Variants in ERCC3 observed in about 807,000 individuals in gnomAD.
ERCC3 encodes ERCC excision repair 3, TFIIH core complex helicase subunit, also known as general transcription and DNA repair factor IIH helicase/translocase subunit XPB.
A neutral mutation model predicts 94.2 loss-of-function variants in ERCC3; 66 were observed. That is an observed-to-expected ratio of 0.70 (90% CI 0.57 to 0.86). The LOEUF (loss-of-function observed/expected upper bound fraction) is 0.86. Among genes scored for constraint, ERCC3 ranks in the 40% least tolerant of loss-of-function variants. ERCC3 has a pLI of 0.00. For missense variants in ERCC3, 829 were observed against 987.1 expected, an observed-to-expected ratio of 0.84 and a Z score of 2.15; for synonymous variants, 349 against 369.1, an observed-to-expected ratio of 0.95 and a Z score of 0.63.
At position 127,284,858 on chromosome 2, in the gene ERCC3, A is replaced by C. The variant is rs1009903148; in HGVS notation, c.1342+1845T>G. ...ACCACCACACTTGGCTAATTAAAAA[A>C]ATTTTTTTTTGTAGAGACATGTCTC... On this transcript the variant is annotated intron_variant, in intron 8 of 14. Transcript: ENST00000285398. The surrounding 1 kb of genome is among the most constrained non-coding windows in gnomAD (Gnocchi z 4.1). 1.3e-5 allele frequency among the ~76,000 whole-genome samples: 2 copies of C among 151,952 alleles called. No individual in the cohort carries two copies. The highest frequency in any genetic ancestry group is 2.1e-4 in the South Asian group (1 of 4,808).
chr2:127,265,037 A>G (rs1684313188), intron 12 of ERCC3, among the ~76,000 whole-genome samples: 4 of 151,988 alleles, frequency 2.6e-5, no homozygotes, highest in Admixed American at 2.6e-4. Context: ...AGTAGAGACG[A>G]GGTTTCACCA....
At chr2:127,272,631 G>A (rs1021962888) in intron 11 of ERCC3, among the ~76,000 whole-genome samples, 1 of 152,112 alleles carries the variant, frequency 6.6e-6, no homozygotes, top group African/African-American at 2.4e-5. Context: ...ATCCCCAAAA[G>A]AACTGGAAAA....
At chr2:127,283,219 C>T (rs953361639) in intron 8 of ERCC3, among the ~76,000 whole-genome samples, 2 of 152,036 alleles carry the variant, frequency 1.3e-5, no homozygotes, top group Non-Finnish European at 2.9e-5. Flanking sequence ...CAGATAAAGA[C>T]AGCATCCCCC....
chr2:127,257,323 C>T lies in ERCC3; in HGVS notation c.*273G>A, dbSNP rs973634517. On this transcript the variant is annotated 3_prime_UTR_variant, in exon 15 of 15. Coordinates refer to ENST00000285398, the MANE Select transcript of ERCC3 (RefSeq NM_000122.2). This position sits in a 1 kb window ranked among gnomAD's most constrained non-coding sequence, Gnocchi z 5.4. Reference sequence around the variant, plus strand: ...AATGGTCCATTCTGTTTATTCAGAACGGTAACATAAATACACCTTAAATAT... The same window carrying T: ...AATGGTCCATTCTGTTTATTCAGAATGGTAACATAAATACACCTTAAATAT... The T allele has an allele frequency of 4.9e-5, 24 of 494,290 alleles. No homozygotes were observed. Among genetic ancestry groups the T allele is most frequent in the Admixed American group, 3.3e-4 (10 of 30,320 alleles). The allele number at this position is 494,290 out of a possible 1,614,324, so 30.6% of individuals were successfully genotyped here.
intron 4 of ERCC3, 56 bp downstream of exon 4, chr2:127,290,168 G>T: frequency 7.4e-7 from 1 of 1,345,344 alleles, no homozygotes. Flanking sequence ...CTTTATTCCT[G>T]CTGGTGCGCA....
chr2:127,271,950 AGACAT>A lies in ERCC3; in HGVS notation c.1828-502_1828-498del, dbSNP rs929602396. Among the ~76,000 whole-genome samples, 7 of 151,380 alleles carry A rather than the reference AGACAT, an allele frequency of 4.6e-5. No individual in the cohort carries two copies. The highest frequency in any genetic ancestry group is 1.0e-4 in the Non-Finnish European group (7 of 67,902). ...TCCAAACATCGAGGTTCCCAGCCAC[AGACAT>A]GAAGGTTTGGTGCTTATAAGCGCCC... On this transcript the variant is annotated intron_variant, in intron 11 of 14. Transcript: ENST00000285398. This position sits in a 1 kb window ranked among gnomAD's most constrained non-coding sequence, Gnocchi z 5.0.
chr2:127,293,429 G>A lies in ERCC3; in HGVS notation c.234+84C>T, dbSNP rs903185874. 31 of 1,246,738 alleles carry A rather than the reference G, an allele frequency of 2.5e-5. No homozygotes were observed. The East Asian group carries it at 3.2e-4, about 13-fold the overall frequency. 77.2% of individuals were successfully genotyped at this position (1,246,738 alleles called of 1,614,324 possible). A position where few individuals can be genotyped will look rare whatever the true frequency, so the allele number is the denominator to read the frequency against. ...CAGTTCTAGGGGCAGTATCCTGAAT[G>A]TCAGTTTTGACTCTGAGGATGCCCA... On this transcript the variant is annotated intron_variant, in intron 2 of 14. Transcript: ENST00000285398.
At chr2:127,281,144 C>T (rs1254522916) in intron 8 of ERCC3, among the ~76,000 whole-genome samples, 1 of 152,166 alleles carries the variant, frequency 6.6e-6, no homozygotes, top group East Asian at 1.9e-4. Context: ...CTAAATTACG[C>T]AAAGAATTTT....
chr2:127,269,612 G>A (rs1037142051), intron 12 of ERCC3, among the ~76,000 whole-genome samples: 41 of 150,968 alleles, frequency 2.7e-4, no homozygotes, highest in Admixed American at 5.3e-4. Context: ...TAGTAGAGAC[G>A]GGGTTTCACC....
At chr2:127,283,763 TATGG>T (rs1684988139) in intron 8 of ERCC3, among the ~76,000 whole-genome samples, 1 of 152,264 alleles carries the variant, frequency 6.6e-6, no homozygotes. Context: ...CTAACTGGCA[TATGG>T]GAGCATCCTG....
In ERCC3 at chr2:127,288,070, T is replaced by C. The variant is rs1409490839; in HGVS notation, c.1027+590A>G. On this transcript the variant is annotated intron_variant, in intron 7 of 14. Coordinates refer to ENST00000285398, the MANE Select transcript of ERCC3 (RefSeq NM_000122.2). ...TCCCTGAAGACCTTGCCTCTGTAAG[T>C]CCTCAGTGGGGTCCCAAGGTGAGTC... Among the ~76,000 whole-genome samples, 7 of 152,282 alleles carry C rather than the reference T, an allele frequency of 4.6e-5. No homozygotes were observed. In the East Asian group the frequency reaches 1.2e-3, roughly 25 times the overall value.
rs1684564380 is a variant in ERCC3, at chr2:127,271,923, G to C, written c.1828-470C>G. Among the ~76,000 whole-genome samples the C allele has an allele frequency of 6.6e-6, 1 of 151,910 alleles. No homozygotes were observed. The highest frequency in any genetic ancestry group is 2.4e-5 in the African/African-American group (1 of 41,344). On this transcript the variant is annotated intron_variant, in intron 11 of 14. Transcript: ENST00000285398. This position sits in a 1 kb window ranked among gnomAD's most constrained non-coding sequence, Gnocchi z 5.0. ...TGTAGGTGGATTCCTCAGCTCTGGG[G>C]CTCCAAACATCGAGGTTCCCAGCCA...
chr2:127,261,374 AAAG>A, intron 12 of ERCC3, 28 bp from the exon 13 acceptor site: 1 of 1,350,612 alleles, frequency 7.4e-7, no homozygotes. Context: ...AAACGGCAAT[AAAG>A]AAGACAACAT....
intron 13 of ERCC3, 74 bp downstream of exon 13, chr2:127,261,154 C>G: frequency 1.1e-6 from 1 of 875,094 alleles, no homozygotes; most frequent in Admixed American, 1.7e-5. Flanking sequence ...GACAGTGGCC[C>G]TCGCTTCTCC....
At chr2:127,266,678 C>T (rs980607619) in intron 12 of ERCC3, among the ~76,000 whole-genome samples, 9 of 148,638 alleles carry the variant, frequency 6.1e-5, no homozygotes, top group African/African-American at 2.2e-4. Flanking sequence ...TAAAGTCTCA[C>T]ATTGCTTTAT....
At position 127,292,739 on chromosome 2, in the gene ERCC3, A is replaced by G; in HGVS notation, c.342T>C (p.His114=). The change falls in exon 3 of 15, where the codon CAT becomes CAC. Residue 114 remains histidine, a synonymous_variant. Coordinates refer to ENST00000285398, the MANE Select transcript of ERCC3 (RefSeq NM_000122.2). ...AGGAGTAGGCAGTTAGTTTGTACTC[A>G]TGCACATGGGTTGGTCGGCACACTG... ...AEPVCRPTHV[H]EYKLTAYSLY... 1 of 1,614,112 alleles carries G rather than the reference A, an allele frequency of 6.2e-7. No individual in the cohort carries two copies. Among genetic ancestry groups the G allele is most frequent in the Non-Finnish European group, 8.5e-7 (1 of 1,180,002 alleles).
chr2:127,289,429 T>G lies in ERCC3; in HGVS notation c.730A>C (p.Ile244Leu), dbSNP rs1453742922. 1.9e-6 allele frequency: 3 copies of G among 1,613,210 alleles called. No homozygotes were observed. The highest frequency in any genetic ancestry group is 1.7e-6 in the Non-Finnish European group (2 of 1,179,840). ...RVTDPQGKSD[I>L]PMDLFDFYEQ... ...TAGAAGTCAAACAGGTCCATGGGGA[T>G]GTCAGATTTACCCTGTGGATCTGTC... Residue 244 changes from isoleucine to leucine, a missense_variant, in exon 6 of 15, where the codon ATC (isoleucine) becomes CTC (leucine). Physicochemically the swap from Ile to Leu is conservative, Grantham distance 5. Coordinates refer to ENST00000285398, the MANE Select transcript of ERCC3 (RefSeq NM_000122.2).
Position 127,259,408 on chromosome 2 carries a change from G to A in ERCC3, c.2105C>T (p.Ala702Val), listed in dbSNP as rs563550613. ...KLAGMEEEDL[A>V]FSTKEEQQQL... ...CTGTTGCTCTTCTTTTGTCGAAAAC[G>A]CCAAGTCTTCCTCCTCCATGCCAGC... is the stretch of plus-strand genomic sequence containing the variant. Residue 702 changes from alanine to valine, a missense_variant, in exon 14 of 15, where the codon GCG (alanine) becomes GTG (valine). Ala to Val is a moderately conservative substitution (Grantham distance 64). Transcript: ENST00000285398. The surrounding 1 kb of genome is among the most constrained non-coding windows in gnomAD (Gnocchi z 4.9). 103 of 1,614,030 alleles carry A rather than the reference G, an allele frequency of 6.4e-5. No individual in the cohort carries two copies. The highest frequency in any genetic ancestry group is 8.6e-5 in the Non-Finnish European group (102 of 1,180,030).
In ERCC3 at chr2:127,286,755, G is replaced by A. The variant is rs536724177; in HGVS notation, c.1290C>T (p.Leu430=). The change falls in exon 8 of 15, where the codon CTC becomes CTT. Residue 430 remains leucine (L), a synonymous_variant. Coordinates refer to ENST00000285398, the MANE Select transcript of ERCC3 (RefSeq NM_000122.2). ...TCATGAGGCCCCACTCCTGGGTCTT[G>A]AGCCACTCCATGACTCGCTCGGCCT... ...SWEAERVMEW[L]KTQEWGLMIL... 2.5e-6 allele frequency: 4 copies of A among 1,614,122 alleles called. No homozygotes were observed. The highest frequency in any genetic ancestry group is 2.2e-5 in the East Asian group (1 of 44,864).
Sources: allele counts gnomAD v4.1 joint callset (sites outside exome capture counted in the v4.1 genomes callset), GRCh38; gene constraint gnomAD v4.1.1; non-coding constraint Gnocchi (gnomAD v3.1); transcripts MANE v1.5; gene names NCBI Gene and HGNC (gene_info 2026-07-23, HGNC 2026-07-21).